Variants in RBM20 observed in about 807,000 individuals in gnomAD.
The protein encoded by RBM20 is RNA-binding protein 20.
In RBM20, 51 loss-of-function variants were observed where a neutral mutation model predicts 110.1. The ratio of observed to expected loss-of-function variants is 0.46; its 90% CI spans 0.37 to 0.59. The LOEUF is 0.59. RBM20 is among the 20% of genes least tolerant of loss of function. RBM20 has a pLI of 0.00. For missense variants in RBM20, 1,512 were observed against 1,574.9 expected (o/e 0.96, Z 0.68); for synonymous variants, 589 against 618.2 (o/e 0.95, Z 0.70).
At chr10:110,758,011 G>GTTTTTTTTTTTTTTTT (rs1590658146) in intron 1 of RBM20, among the ~76,000 whole-genome samples, 1 of 55,300 alleles carries the variant, frequency 1.8e-5, no homozygotes, top group African/African-American at 6.9e-5. Context: ...CAAGATCCTT[G>GTTTTTTTTTTTTTTTT]TTCTTTTTTT....
intron 1 of RBM20, among the ~76,000 whole-genome samples, chr10:110,689,371 T>C (rs1335248016): frequency 6.6e-6 from 1 of 152,146 alleles, no homozygotes; most frequent in Non-Finnish European, 1.5e-5. Flanking sequence ...AGTAAACACA[T>C]GCACAAACAG....
intron 1 of RBM20, among the ~76,000 whole-genome samples, chr10:110,734,373 G>T (rs1174732088): frequency 6.6e-6 from 1 of 152,164 alleles, no homozygotes; most frequent in Non-Finnish European, 1.5e-5. Context: ...GGCCCCTCAA[G>T]ATTGGCTCTG....
intron 1 of RBM20, among the ~76,000 whole-genome samples, chr10:110,710,371 A>G (rs758276246): frequency 1.3e-5 from 2 of 152,240 alleles, no homozygotes; most frequent in Non-Finnish European, 2.9e-5. Context: ...CACTTGCCTG[A>G]GCACTTCCCA....
At chr10:110,769,507 G>T (rs1282898148) in intron 1 of RBM20, among the ~76,000 whole-genome samples, 1 of 152,112 alleles carries the variant, frequency 6.6e-6, no homozygotes, top group Non-Finnish European at 1.5e-5. Flanking sequence ...CCTGAACCTT[G>T]AGTGTTTTTA....
intron 9 of RBM20, among the ~76,000 whole-genome samples, chr10:110,813,712 G>A (rs555712073): frequency 1.3e-5 from 2 of 152,144 alleles, no homozygotes; most frequent in African/African-American, 2.4e-5. Flanking sequence ...GTGCACCCCT[G>A]TAGTCCCAGC....
chr10:110,737,104 G>A (rs1457521125), intron 1 of RBM20, among the ~76,000 whole-genome samples: 2 of 148,542 alleles, frequency 1.3e-5, no homozygotes, highest in East Asian at 3.9e-4. Flanking sequence ...TTGTACCTGG[G>A]AGGCAGAGGT....
At chr10:110,801,721 T>G (rs1844627533) in intron 7 of RBM20, among the ~76,000 whole-genome samples, 1 of 139,782 alleles carries the variant, frequency 7.2e-6, no homozygotes, top group East Asian at 2.1e-4. Context: ...TTTTTTTTTG[T>G]ATTTTAATAG....
chr10:110,802,383 CTTTT>C lies in RBM20; in HGVS notation c.1800+2480_1800+2483del, dbSNP rs200758964. Among the ~76,000 whole-genome samples, 733 of 135,218 alleles carry C rather than the reference CTTTT, an allele frequency of 5.4e-3. 6 individuals carry two copies. The highest frequency in any genetic ancestry group is 0.017 in the African/African-American group (656 of 37,554). The allele number at this position is 135,218 out of a possible 152,430, so 88.7% of individuals were successfully genotyped here. A position where few individuals can be genotyped will look rare whatever the true frequency, so the allele number is the denominator to read the frequency against. ...CAGTTCTCCTTCAGGCAGAACCTGG[CTTTT>C]TTTTTTTTTTTTTTCCTAATAAAAG... On this transcript the variant is annotated intron_variant, in intron 7 of 13. Coordinates refer to ENST00000369519, the MANE Select transcript of RBM20 (RefSeq NM_001134363.3).
intron 5 of RBM20, among the ~76,000 whole-genome samples, chr10:110,795,492 T>G (rs1370563154): frequency 2.6e-5 from 4 of 152,222 alleles, no homozygotes; most frequent in African/African-American, 4.8e-5. Context: ...AAGGAAATTC[T>G]TATTGACTGT....
intron 5 of RBM20, among the ~76,000 whole-genome samples, chr10:110,796,645 C>T (rs898152634): frequency 3.9e-5 from 6 of 152,160 alleles, no homozygotes; most frequent in East Asian, 1.9e-4. Flanking sequence ...CCCAGCTATT[C>T]GGGAGGCTGA....
intron 1 of RBM20, among the ~76,000 whole-genome samples, chr10:110,780,036 G>A (rs1844316722): frequency 6.6e-6 from 1 of 151,910 alleles, no homozygotes; most frequent in Admixed American, 6.6e-5. Context: ...TCAAGATAAT[G>A]TTTACCATTG....
At chr10:110,732,554 C>A (rs754554675) in intron 1 of RBM20, among the ~76,000 whole-genome samples, 1 of 152,290 alleles carries the variant, frequency 6.6e-6, no homozygotes, top group South Asian at 2.1e-4. Context: ...GTTCTGAAAT[C>A]ATTCCCTAAA....
chr10:110,741,439 T>C (rs979945254), intron 1 of RBM20, among the ~76,000 whole-genome samples: 1 of 152,192 alleles, frequency 6.6e-6, no homozygotes, highest in Admixed American at 6.5e-5. Context: ...TGTCCGAAGT[T>C]GAACTCATGC....
intron 13 of RBM20, chr10:110,835,460 C>T (rs965889952): frequency 6.6e-6 from 1 of 152,422 alleles, no homozygotes; most frequent in Non-Finnish European, 1.5e-5. Context: ...CTCAGCCTCC[C>T]GAGTAGCTGG....
At chr10:110,659,910 G>A (rs1210520219) in intron 1 of RBM20, among the ~76,000 whole-genome samples, 2 of 148,532 alleles carry the variant, frequency 1.3e-5, no homozygotes, top group Admixed American at 6.8e-5. Context: ...AGACTAGAGT[G>A]CATACTGATC....
chr10:110,810,076 AT>A (rs955429400), intron 7 of RBM20, among the ~76,000 whole-genome samples: 26 of 150,942 alleles, frequency 1.7e-4, no homozygotes, highest in African/African-American at 6.1e-4. Context: ...TCACATTTTA[AT>A]TTTTTTTTAT....
intron 9 of RBM20, among the ~76,000 whole-genome samples, chr10:110,814,500 T>C (rs967024870): frequency 2.0e-5 from 3 of 150,904 alleles, no homozygotes; most frequent in Non-Finnish European, 3.0e-5. Flanking sequence ...TTTGTTTTGT[T>C]TTTTTTTTTG....
At chr10:110,757,586 C>CA (rs1843937625) in intron 1 of RBM20, among the ~76,000 whole-genome samples, 1 of 152,070 alleles carries the variant, frequency 6.6e-6, no homozygotes, top group African/African-American at 2.4e-5. Flanking sequence ...TGCATGTGGA[C>CA]AAAAAGTGAT....
At chr10:110,797,380 G>T in intron 5 of RBM20, 128 bp from the exon 6 acceptor site, 1 of 903,600 alleles carries the variant, frequency 1.1e-6, no homozygotes. Flanking sequence ...GATTTTTTCT[G>T]CATTAATTTT....
Sources: allele counts gnomAD v4.1 joint callset (sites outside exome capture counted in the v4.1 genomes callset), GRCh38; gene constraint gnomAD v4.1.1; transcripts MANE v1.5; gene names NCBI Gene and HGNC (gene_info 2026-07-23, HGNC 2026-07-21).